ZNF804B: variants seen among roughly 807,000 people sequenced by gnomAD.
The protein encoded by ZNF804B is zinc finger 804B.
ZNF804B carries 80 observed loss-of-function variants against 101.4 expected under a neutral mutation model. The observed-to-expected ratio is 0.79, with a 90% CI of 0.66 to 0.95. ZNF804B has a LOEUF of 0.95. ZNF804B is among the 40% of genes least tolerant of loss of function. ZNF804B has a pLI of 0.00. For synonymous variants in ZNF804B, 622 were observed against 558.8 expected (o/e 1.11, Z -1.59); for missense variants, 1,673 against 1,561.9 (o/e 1.07, Z -1.20).
intron 1 of ZNF804B, among the ~76,000 whole-genome samples, chr7:88,835,467 A>T (rs1321330545): frequency 6.6e-6 from 1 of 151,936 alleles, no homozygotes; most frequent in Non-Finnish European, 1.5e-5. Context: ...TAAATATATC[A>T]AACCTATTCC....
rs1562828302 is a variant in ZNF804B at position 88,905,910 on chromosome 7, T to TG, written c.108+145826_108+145827insG. On this transcript the variant is annotated intron_variant, in intron 1 of 3. Coordinates refer to ENST00000333190, the MANE Select transcript of ZNF804B (RefSeq NM_181646.5). ...TGGGTTGAGGCTTTTTTTTTTTTTT[T>TG]TGGGGTTGATAGTTTTTTTTTTTAA... Among the ~76,000 whole-genome samples, 11 of 139,992 alleles carry TG rather than the reference T, an allele frequency of 7.9e-5. 1 individual carries two copies. The highest frequency in any genetic ancestry group is 2.8e-4 in the African/African-American group (11 of 39,706). 91.8% of individuals were successfully genotyped at this position (139,992 alleles called of 152,430 possible).
intron 1 of ZNF804B, among the ~76,000 whole-genome samples, chr7:89,150,422 A>G (rs368619468): frequency 1.5e-4 from 23 of 152,218 alleles, no homozygotes; most frequent in African/African-American, 5.5e-4. Context: ...TAGTGAGTGC[A>G]CTTAGAGAGA....
chr7:88,906,414 C>T (rs2115965232), intron 1 of ZNF804B, among the ~76,000 whole-genome samples: 1 of 152,086 alleles, frequency 6.6e-6, no homozygotes, highest in Non-Finnish European at 1.5e-5. Flanking sequence ...TTAGCACTGC[C>T]CAGAGATTTT....
intron 1 of ZNF804B, among the ~76,000 whole-genome samples, chr7:88,802,812 A>G (rs1382593418): frequency 6.6e-6 from 1 of 152,084 alleles, no homozygotes; most frequent in Non-Finnish European, 1.5e-5. Context: ...CTGAATATCA[A>G]GTGCAGAATT....
intron 1 of ZNF804B, among the ~76,000 whole-genome samples, chr7:89,044,966 C>G (rs1789080808): frequency 1.3e-5 from 2 of 152,202 alleles, no homozygotes; most frequent in South Asian, 2.1e-4. Flanking sequence ...GAGACCTTCA[C>G]AGTAGCCCCA....
At chr7:88,760,383 G>A (rs1324015660) in intron 1 of ZNF804B, among the ~76,000 whole-genome samples, 1 of 152,216 alleles carries the variant, frequency 6.6e-6, no homozygotes, top group Non-Finnish European at 1.5e-5. Flanking sequence ...TAGCTCCTCT[G>A]TGCTATGTCA....
At chr7:88,854,971 A>G (rs1791532932) in intron 1 of ZNF804B, among the ~76,000 whole-genome samples, 2 of 151,874 alleles carry the variant, frequency 1.3e-5, no homozygotes, top group African/African-American at 4.8e-5. Context: ...TCCATGGTGT[A>G]TATGTGCCAC....
intron 1 of ZNF804B, among the ~76,000 whole-genome samples, chr7:88,784,875 T>G (rs567933811): frequency 2.3e-4 from 35 of 152,314 alleles, no homozygotes; most frequent in South Asian, 2.3e-3. Context: ...CTTTTTCTGC[T>G]TCTTGGCAAT....
intron 1 of ZNF804B, among the ~76,000 whole-genome samples, chr7:89,047,542 A>G (rs1436877623): frequency 6.6e-6 from 1 of 152,194 alleles, no homozygotes; most frequent in Non-Finnish European, 1.5e-5. Flanking sequence ...GAAGTCAGAA[A>G]CAGATACTTC....
chr7:89,330,042 C>T (rs1790955554), intron 3 of ZNF804B, among the ~76,000 whole-genome samples: 1 of 151,408 alleles, frequency 6.6e-6, no homozygotes, highest in East Asian at 1.9e-4. Context: ...ATGGAAAATC[C>T]ATCAATAAGA....
rs71526619 is a variant in ZNF804B, at chr7:88,854,522, C to CTTTCCTTTCCTTTCCTTTCCTTTCCT, written c.108+94440_108+94441insTCCTTTCCTTTCCTTTCCTTTCCTTT. On this transcript the variant is annotated intron_variant, in intron 1 of 3. Transcript: ENST00000333190. ...CTTTCCTTTCCTTTCCTTTCCTTTC[C>CTTTCCTTTCCTTTCCTTTCCTTTCCT]TTCCTTTCCTTCCTTCCTTCCTTCC... is the stretch of plus-strand genomic sequence containing the variant. Among the ~76,000 whole-genome samples, 8 of 56,206 alleles carry CTTTCCTTTCCTTTCCTTTCCTTTCCT rather than the reference C, an allele frequency of 1.4e-4. 1 individual carries two copies. The highest frequency in any genetic ancestry group is 7.1e-4 in the African/African-American group (7 of 9,912). 36.9% of individuals were successfully genotyped at this position (56,206 alleles called of 152,430 possible).
chr7:89,117,620 A>G (rs1790330679), intron 1 of ZNF804B, among the ~76,000 whole-genome samples: 1 of 152,148 alleles, frequency 6.6e-6, no homozygotes, highest in Non-Finnish European at 1.5e-5. Context: ...CAAACGGTTT[A>G]AATTGTGATG....
At chr7:88,989,017 TTTATTATTA>T (rs564613960) in intron 1 of ZNF804B, among the ~76,000 whole-genome samples, 2 of 151,358 alleles carry the variant, frequency 1.3e-5, no homozygotes, top group Non-Finnish European at 2.9e-5. Context: ...CAGGGTTTTA[TTTATTATTA>T]TTATTATTAT....
rs144061855 is a variant in ZNF804B at position 89,059,294 on chromosome 7, A to C, written c.109-158861A>C. ...ATACCTGAGGCTGGGTAATATATAAAGAAAAGAGATTTAATTGGCTCACAT... is the reference window on the plus strand; with the variant it reads ...ATACCTGAGGCTGGGTAATATATAACGAAAAGAGATTTAATTGGCTCACAT... On this transcript the variant is annotated intron_variant, in intron 1 of 3. Coordinates refer to ENST00000333190, the MANE Select transcript of ZNF804B (RefSeq NM_181646.5). Among the ~76,000 whole-genome samples, 3 of 152,306 alleles carry C rather than the reference A, an allele frequency of 2.0e-5. No individual in the cohort carries two copies. In the East Asian group the frequency reaches 5.8e-4, roughly 29 times the overall value.
Position 88,884,492 on chromosome 7 carries a change from A to G in ZNF804B, c.108+124408A>G, listed in dbSNP as rs540463987. Reference sequence around the variant, plus strand: ...ATCTAATTTTGGCGTTTTATCTTAAAGTTTAAAAAAATCTATGGCACTATA... The same window carrying G: ...ATCTAATTTTGGCGTTTTATCTTAAGGTTTAAAAAAATCTATGGCACTATA... On this transcript the variant is annotated intron_variant, in intron 1 of 3. Transcript: ENST00000333190. 8.2e-4 allele frequency among the ~76,000 whole-genome samples: 124 copies of G among 151,812 alleles called. 1 individual carries two copies. The highest frequency in any genetic ancestry group is 1.5e-3 in the Non-Finnish European group (101 of 67,762).
intron 2 of ZNF804B, among the ~76,000 whole-genome samples, chr7:89,296,812 T>C (rs1398579651): frequency 1.3e-5 from 2 of 152,094 alleles, no homozygotes; most frequent in East Asian, 3.9e-4. Context: ...GGTAATTCTG[T>C]AACACTTTCT....
chr7:88,835,346 G>A (rs780603963), intron 1 of ZNF804B, among the ~76,000 whole-genome samples: 2 of 151,706 alleles, frequency 1.3e-5, no homozygotes, highest in African/African-American at 4.8e-5. Flanking sequence ...TTTAATCCCC[G>A]TCAAAAAAGG....
chr7:89,238,944 A>G (rs978766835), intron 2 of ZNF804B, among the ~76,000 whole-genome samples: 1 of 152,182 alleles, frequency 6.6e-6, no homozygotes, highest in Non-Finnish European at 1.5e-5. Context: ...TATCTTTTCC[A>G]TTGAGCTTCA....
chr7:88,860,026 A>G (rs1791624064), intron 1 of ZNF804B, among the ~76,000 whole-genome samples: 1 of 151,982 alleles, frequency 6.6e-6, no homozygotes, highest in Non-Finnish European at 1.5e-5. Context: ...TTGATGTTTT[A>G]TACCTAAACT....
Sources: gnomAD v4.1 joint callset for allele counts (sites outside exome capture counted in the v4.1 genomes callset) on GRCh38, gnomAD v4.1.1 for gene constraint, MANE v1.5 for transcripts, NCBI Gene and HGNC (gene_info 2026-07-23, HGNC 2026-07-21) for gene names.